Variants in CREB3L1 observed in about 807,000 individuals in gnomAD.
CREB3L1 encodes the protein cyclic AMP-responsive element-binding protein 3-like protein 1.
In CREB3L1, 33 loss-of-function variants were observed where a neutral mutation model predicts 54.5. The ratio of observed to expected loss-of-function variants is 0.61; its 90% CI spans 0.46 to 0.81. The LOEUF (loss-of-function observed/expected upper bound fraction) is 0.81, where lower values mean the gene tolerates loss of function less well. Among genes scored for constraint, CREB3L1 ranks in the 30% least tolerant of loss-of-function variants. CREB3L1 has a pLI of 0.00. For missense variants in CREB3L1, 656 were observed against 673.3 expected, an observed-to-expected ratio of 0.97 and a Z score of 0.29; for synonymous variants, 284 against 286.4, an observed-to-expected ratio of 0.99 and a Z score of 0.08.
In CREB3L1 at chr11:46,321,143, A is replaced by C; in HGVS notation, c.*397A>C. The C allele has an allele frequency of 2.4e-6, 1 of 412,500 alleles. No individual in the cohort carries two copies. The allele number at this position is 412,500 out of a possible 1,614,324, so 25.6% of individuals were successfully genotyped here. A position where few individuals can be genotyped will look rare whatever the true frequency, so the allele number is the denominator to read the frequency against. Reference sequence around the variant, plus strand: ...CAAGAACAGAAATTGTTTGTAAATAATGAACCTTATTTTTTATTATTGCCA... The same window carrying C: ...CAAGAACAGAAATTGTTTGTAAATACTGAACCTTATTTTTTATTATTGCCA... On this transcript the variant is annotated 3_prime_UTR_variant, in exon 12 of 12. Transcript: ENST00000621158.
intron 2 of CREB3L1, among the ~76,000 whole-genome samples, chr11:46,305,019 G>T (rs916374054): frequency 6.6e-6 from 1 of 152,146 alleles, no homozygotes; most frequent in South Asian, 2.1e-4. Flanking sequence ...CCAACAGGGT[G>T]CGGCCTGGCC....
intron 1 of CREB3L1, among the ~76,000 whole-genome samples, chr11:46,288,223 A>G (rs1407828011): frequency 6.6e-6 from 1 of 152,070 alleles, no homozygotes; most frequent in Non-Finnish European, 1.5e-5. Flanking sequence ...CTGGGATTAC[A>G]GGCATGCGCC....
At chr11:46,289,782 G>A (rs1165393560) in intron 1 of CREB3L1, among the ~76,000 whole-genome samples, 1 of 152,188 alleles carries the variant, frequency 6.6e-6, no homozygotes, top group Non-Finnish European at 1.5e-5. Context: ...TGGTAAGTTG[G>A]GATCAGTTTC....
chr11:46,295,680 C>T lies in CREB3L1; in HGVS notation c.103-4255C>T, dbSNP rs1225193806. Among the ~76,000 whole-genome samples, 2 of 152,232 alleles carry T rather than the reference C, an allele frequency of 1.3e-5. No individual in the cohort carries two copies. Among genetic ancestry groups the T allele is most frequent in the Non-Finnish European group, 2.9e-5 (2 of 68,044 alleles). ...GCAGCCTCCCGCCATTGGCCAGGAG[C>T]TCTGCGGCTCCCACCAGTGAGCAGG... On this transcript the variant is annotated intron_variant, in intron 1 of 11. Transcript: ENST00000621158. This position sits in a 1 kb window ranked among gnomAD's most constrained non-coding sequence, Gnocchi z 4.6.
chr11:46,303,568 C>G (rs1332947680), intron 2 of CREB3L1, among the ~76,000 whole-genome samples: 1 of 152,122 alleles, frequency 6.6e-6, no homozygotes, highest in Non-Finnish European at 1.5e-5. Context: ...CGCTTGAACC[C>G]AGGAAGCGGA....
intron 1 of CREB3L1, among the ~76,000 whole-genome samples, chr11:46,288,011 C>T (rs534776347): frequency 4.6e-5 from 7 of 152,132 alleles, no homozygotes; most frequent in Admixed American, 1.3e-4. Context: ...AATGGGGTAT[C>T]CATCCCCTCG....
At position 46,310,940 on chromosome 11, in the gene CREB3L1, G is replaced by A. The variant is rs960519202; in HGVS notation, c.596-92G>A. On this transcript the variant is annotated intron_variant, in intron 4 of 11. Transcript: ENST00000621158. ...GGCAGTCCGTGTCCCACAATGTCAG[G>A]GCTGGTGCAAGCTCATGCTCAGCTG... 10 of 1,456,940 alleles carry A rather than the reference G, an allele frequency of 6.9e-6. No individual in the cohort carries two copies. The South Asian group carries it at 1.5e-4, about 21-fold the overall frequency. The allele number at this position is 1,456,940 out of a possible 1,614,324, so 90.3% of individuals were successfully genotyped here. A position where few individuals can be genotyped will look rare whatever the true frequency, so the allele number is the denominator to read the frequency against.
rs368642569 is a variant in CREB3L1, at chr11:46,300,093, C to T, written c.261C>T (p.Ser87=). The T allele has an allele frequency of 2.5e-5, 41 of 1,613,792 alleles. No homozygotes were observed. The highest frequency in any genetic ancestry group is 4.4e-5 in the South Asian group (4 of 91,068). The change falls in exon 2 of 12, where the codon AGC becomes AGT. Residue 87 remains serine, a synonymous_variant. Transcript: ENST00000621158. ...CGCCAGGCATCCAGGCGGAGCACAG[C>T]TACTCCCTGAGCGGCGACTCAGCGC... The part of the protein sequence containing the change: ...SPTPGIQAEH[S]YSLSGDSAPQ...
chr11:46,311,160 T>A lies in CREB3L1; in HGVS notation c.724T>A (p.Ser242Thr). The A allele has an allele frequency of 6.3e-7, 1 of 1,598,832 alleles. No individual in the cohort carries two copies. Among genetic ancestry groups the A allele is most frequent in the South Asian group, 1.1e-5 (1 of 90,334 alleles). The change falls in exon 5 of 12, where the codon TCC (serine) becomes ACC (threonine). Residue 242 changes from serine (S) to threonine (T), a missense_variant. By Grantham distance (58) the Ser-to-Thr change is moderately conservative (BLOSUM62 1). This residue lies in a region of CREB3L1 where 339 missense variants were observed against 331.5 expected (regional missense o/e 1.02). Transcript: ENST00000621158. ...RPMARSSTAI[S>T]TSPLLTAPHK... ...CATGGCGCGCTCCTCCACGGCCATC[T>A]CCACCTCCCCACTCCTCACTGCCCC...
chr11:46,292,027 G>C (rs554715908), intron 1 of CREB3L1, among the ~76,000 whole-genome samples: 123 of 152,362 alleles, frequency 8.1e-4, no homozygotes, highest in Non-Finnish European at 1.4e-3. Flanking sequence ...GGGGCCGAGA[G>C]AGCAGCCCTG....
chr11:46,312,509 C>T, intron 6 of CREB3L1, 35 bp downstream of exon 6: 1 of 1,610,622 alleles, frequency 6.2e-7, no homozygotes, highest in Non-Finnish European at 8.5e-7. Flanking sequence ...CAGAGGGCTT[C>T]CTTGGTGGGT....
At chr11:46,294,788 CA>C (rs1566183158) in intron 1 of CREB3L1, among the ~76,000 whole-genome samples, 1 of 151,656 alleles carries the variant, frequency 6.6e-6, no homozygotes, top group African/African-American at 2.4e-5. Flanking sequence ...GAAATGGGGA[CA>C]ATTTTCTAGT....
Position 46,303,176 on chromosome 11 carries a change from C to A in CREB3L1, c.331+3013C>A, listed in dbSNP as rs188170544. Reference sequence around the variant, plus strand: ...GACCCACAAGGGCATTGGTGTGCATCCCCGTGTCTCCACCAGCCACTGGGT... The same window carrying A: ...GACCCACAAGGGCATTGGTGTGCATACCCGTGTCTCCACCAGCCACTGGGT... On this transcript the variant is annotated intron_variant, in intron 2 of 11. Coordinates refer to ENST00000621158, the MANE Select transcript of CREB3L1 (RefSeq NM_052854.4). Among the ~76,000 whole-genome samples the A allele has an allele frequency of 6.3e-3, 957 of 152,292 alleles. 11 individuals are homozygous for A. The highest frequency in any genetic ancestry group is 0.022 in the African/African-American group (923 of 41,542).
chr11:46,304,341 G>A (rs145519063), intron 2 of CREB3L1, among the ~76,000 whole-genome samples: 95 of 152,230 alleles, frequency 6.2e-4, no homozygotes, highest in African/African-American at 2.2e-3. Context: ...GAGTGGTGGC[G>A]CATGCCTGTT....
chr11:46,316,548 C>T (rs565513777), intron 9 of CREB3L1, among the ~76,000 whole-genome samples, 163 bp downstream of exon 9: 1 of 152,304 alleles, frequency 6.6e-6, no homozygotes, highest in South Asian at 2.1e-4. Context: ...AGACTCCAGA[C>T]TCCTTCTCCA....
chr11:46,288,169 G>A (rs934454307), intron 1 of CREB3L1, among the ~76,000 whole-genome samples: 1 of 151,790 alleles, frequency 6.6e-6, no homozygotes, highest in Non-Finnish European at 1.5e-5. Flanking sequence ...TGCAGCCTCC[G>A]CCTCCCAGGT....
Position 46,277,972 on chromosome 11 carries a change from G to T in CREB3L1, c.-140G>T, listed in dbSNP as rs1238971714. The T allele has an allele frequency of 4.8e-6, 2 of 418,706 alleles. No individual in the cohort carries two copies. The highest frequency in any genetic ancestry group is 7.3e-5 in the East Asian group (2 of 27,338). The allele number at this position is 418,706 out of a possible 1,614,324, so 25.9% of individuals were successfully genotyped here. A position where few individuals can be genotyped will look rare whatever the true frequency, so the allele number is the denominator to read the frequency against. ...CCCCACCCGGGGCCGCGCCGCCTCC[G>T]TCCGCCCCTCCCCCGGGGCTTCGCC... On this transcript the variant is annotated 5_prime_UTR_variant, in exon 1 of 12. Transcript: ENST00000621158.
chr11:46,307,455 A>T (rs1939415163), intron 2 of CREB3L1, among the ~76,000 whole-genome samples: 1 of 152,292 alleles, frequency 6.6e-6, no homozygotes, highest in Admixed American at 6.5e-5. Context: ...TATGTACATT[A>T]TACTACTTAA....
At chr11:46,315,674 T>A (rs1197704210) in intron 8 of CREB3L1, 1 of 177,206 alleles carries the variant, frequency 5.6e-6, no homozygotes, top group African/African-American at 2.4e-5. Flanking sequence ...AATACAAAAA[T>A]TAGCCGGCAT....
Sources: gnomAD v4.1 joint callset for allele counts (sites outside exome capture counted in the v4.1 genomes callset) on GRCh38, gnomAD v4.1.1 for gene constraint, gnomAD v4.1.1 regional missense constraint, Gnocchi (gnomAD v3.1) non-coding constraint, MANE v1.5 for transcripts, NCBI Gene and HGNC (gene_info 2026-07-23, HGNC 2026-07-21) for gene names.